KIAA1217: variants seen among roughly 807,000 people sequenced by gnomAD.
The protein encoded by KIAA1217 is sickle tail protein homolog.
In KIAA1217, 88 loss-of-function variants were observed where a neutral mutation model predicts 163.9. That is an observed-to-expected ratio of 0.54 (90% CI 0.45 to 0.64). The LOEUF (loss-of-function observed/expected upper bound fraction) is 0.64, where lower values mean the gene tolerates loss of function less well. Among genes scored for constraint, KIAA1217 ranks in the 30% least tolerant of loss-of-function variants. The pLI is 0.00. For missense variants in KIAA1217, 2,372 were observed against 2,475.0 expected (o/e 0.96, Z 0.88); for synonymous variants, 903 against 923.1 (o/e 0.98, Z 0.39).
intron 2 of KIAA1217, among the ~76,000 whole-genome samples, chr10:24,094,454 G>A (rs2131695961): frequency 6.6e-6 from 1 of 152,366 alleles, no homozygotes; most frequent in East Asian, 1.9e-4. Context: ...CTAACAGACA[G>A]GACCCTCAGC....
intron 5 of KIAA1217, among the ~76,000 whole-genome samples, chr10:24,453,318 C>T (rs2061526008): frequency 6.6e-6 from 1 of 152,232 alleles, no homozygotes; most frequent in South Asian, 2.1e-4. Context: ...GTCCAGCCAG[C>T]TTTCGCTAAT....
chr10:24,387,262 A>T (rs1008918739), intron 3 of KIAA1217, among the ~76,000 whole-genome samples: 1 of 152,236 alleles, frequency 6.6e-6, no homozygotes, highest in Non-Finnish European at 1.5e-5. Context: ...ACGCAAATCA[A>T]TAAACATAAT....
chr10:23,978,645 C>CTA (rs1258191738), intron 1 of KIAA1217, among the ~76,000 whole-genome samples: 3 of 151,684 alleles, frequency 2.0e-5, no homozygotes, highest in Non-Finnish European at 4.4e-5. Context: ...AATATTTAAA[C>CTA]TATATATATA....
intron 1 of KIAA1217, among the ~76,000 whole-genome samples, chr10:23,714,046 A>G (rs1042586181): frequency 6.6e-6 from 1 of 152,062 alleles, no homozygotes; most frequent in South Asian, 2.1e-4. Context: ...TCTGCCTTCT[A>G]TATTTCCTGG....
intron 2 of KIAA1217, chr10:24,275,602 G>C: frequency 4.4e-6 from 2 of 458,178 alleles, no homozygotes; most frequent in Non-Finnish European, 8.9e-6. Flanking sequence ...GAATCTGCTA[G>C]TAATGAGGAC....
chr10:24,050,024 A>C (rs112995251), intron 2 of KIAA1217, among the ~76,000 whole-genome samples: 58,544 of 151,996 alleles, frequency 0.39, 12,519 homozygotes, highest in Non-Finnish European at 0.48. Flanking sequence ...ATGGTATCTC[A>C]TTGTGGTTTT....
chr10:24,476,173 A>G (rs1419093658), intron 6 of KIAA1217, among the ~76,000 whole-genome samples: 1 of 152,210 alleles, frequency 6.6e-6, no homozygotes, highest in Non-Finnish European at 1.5e-5. Flanking sequence ...TTTTTGGCCA[A>G]CCAAAGATGG....
At chr10:23,991,710 C>G (rs1025423860) in intron 1 of KIAA1217, among the ~76,000 whole-genome samples, 1 of 152,090 alleles carries the variant, frequency 6.6e-6, no homozygotes, top group Admixed American at 6.6e-5. Context: ...ACAACCATGA[C>G]GTACGATATA....
chr10:24,465,608 A>G (rs952095474), intron 5 of KIAA1217, among the ~76,000 whole-genome samples: 4 of 152,300 alleles, frequency 2.6e-5, no homozygotes, highest in Non-Finnish European at 5.9e-5. Flanking sequence ...CCCAGTCCCC[A>G]AGGGCTCAGA....
intron 1 of KIAA1217, among the ~76,000 whole-genome samples, chr10:23,979,204 A>G (rs1264337313): frequency 2.0e-5 from 3 of 152,224 alleles, no homozygotes; most frequent in African/African-American, 7.2e-5. Context: ...ATTCTTCCCA[A>G]CATTCCTTAG....
intron 1 of KIAA1217, among the ~76,000 whole-genome samples, chr10:23,741,830 G>T (rs10508662): frequency 0.065 from 9,873 of 152,248 alleles, 586 homozygotes; most frequent in African/African-American, 0.15. Flanking sequence ...GCTCTGTTGT[G>T]GATAGGTAGA....
chr10:23,793,319 C>A (rs1248183993), intron 1 of KIAA1217, among the ~76,000 whole-genome samples: 1 of 152,154 alleles, frequency 6.6e-6, no homozygotes, highest in African/African-American at 2.4e-5. Context: ...GATCCCTATG[C>A]CACTCCCAGA....
At chr10:23,904,957 C>CT (rs894584822) in intron 1 of KIAA1217, among the ~76,000 whole-genome samples, 132 of 139,702 alleles carry the variant, frequency 9.4e-4, no homozygotes, top group Admixed American at 1.7e-3. Context: ...TCTAAATCTT[C>CT]TTTTTTTTTT....
At chr10:23,761,160 G>A (rs746467015) in intron 1 of KIAA1217, among the ~76,000 whole-genome samples, 2 of 152,184 alleles carry the variant, frequency 1.3e-5, no homozygotes, top group East Asian at 3.9e-4. Flanking sequence ...CAGTTACTCA[G>A]GAGGCTGAGG....
rs756717624 is a variant in KIAA1217 at position 24,538,732 on chromosome 10, G to GTTTTT, written c.3534+1853_3534+1857dup. On this transcript the variant is annotated intron_variant, in intron 17 of 20. Coordinates refer to ENST00000376454, the MANE Select transcript of KIAA1217 (RefSeq NM_019590.5). ...AATATATTGATTTTTATTGTTTTTG[G>GTTTTT]TTTTTTTTTTTTTTTTTTGTGAGAC... Among the ~76,000 whole-genome samples the GTTTTT allele has an allele frequency of 4.6e-4, 40 of 87,752 alleles. 3 individuals carry two copies. The highest frequency in any genetic ancestry group is 1.5e-3 in the South Asian group (4 of 2,668). 57.6% of individuals were successfully genotyped at this position (87,752 alleles called of 152,430 possible). A position where few individuals can be genotyped will look rare whatever the true frequency, so the allele number is the denominator to read the frequency against.
chr10:24,005,657 T>A (rs1341707868), intron 1 of KIAA1217, among the ~76,000 whole-genome samples: 1 of 152,162 alleles, frequency 6.6e-6, no homozygotes, highest in Non-Finnish European at 1.5e-5. Context: ...TTACTAAAAG[T>A]GATAACAATG....
intron 2 of KIAA1217, among the ~76,000 whole-genome samples, chr10:24,048,905 C>A (rs183041150): frequency 6.6e-6 from 1 of 151,264 alleles, no homozygotes; most frequent in Admixed American, 6.6e-5. Context: ...GTGGCGGGCA[C>A]CTGTAATTCC....
At chr10:24,085,540 A>G (rs772006484) in intron 2 of KIAA1217, among the ~76,000 whole-genome samples, 1 of 152,144 alleles carries the variant, frequency 6.6e-6, no homozygotes, top group Non-Finnish European at 1.5e-5. Context: ...CATTGTGGGT[A>G]CTGTGTCTGC....
chr10:23,879,385 A>T (rs1367280815), intron 1 of KIAA1217, among the ~76,000 whole-genome samples: 1 of 151,976 alleles, frequency 6.6e-6, no homozygotes, highest in Non-Finnish European at 1.5e-5. Flanking sequence ...CAAGGATATG[A>T]GGAAGAACCA....
Sources: gnomAD v4.1 joint callset for allele counts (sites outside exome capture counted in the v4.1 genomes callset) on GRCh38, gnomAD v4.1.1 for gene constraint, MANE v1.5 for transcripts, NCBI Gene and HGNC (gene_info 2026-07-23, HGNC 2026-07-21) for gene names.